Variants in IER3IP1 observed in about 807,000 individuals in gnomAD.
The protein encoded by IER3IP1 is immediate early response 3 interacting protein 1.
IER3IP1 carries 16 observed loss-of-function variants against 12.2 expected under a neutral mutation model. The observed-to-expected ratio is 1.31, with a 90% CI of 0.89 to 1.99. The LOEUF is 1.99. Among genes scored for constraint, IER3IP1 ranks in the 30% most tolerant of loss-of-function variants. The probability of loss-of-function intolerance (pLI) is 0.00; values close to 1 mark genes in which losing one functional copy is unlikely to be tolerated. For synonymous variants in IER3IP1, 42 were observed against 40.0 expected (o/e 1.05, Z -0.19); for missense variants, 95 against 95.8 (o/e 0.99, Z 0.03).
chr18:47,174,294 T>C (rs1032562684), intron 1 of IER3IP1, among the ~76,000 whole-genome samples: 2 of 152,218 alleles, frequency 1.3e-5, no homozygotes, highest in Admixed American at 1.3e-4. Context: ...AGAGTTGCTG[T>C]GAAGGCTACA....
At chr18:47,175,290 C>G (rs1271712599) in intron 1 of IER3IP1, among the ~76,000 whole-genome samples, 1 of 152,170 alleles carries the variant, frequency 6.6e-6, no homozygotes, top group Non-Finnish European at 1.5e-5. Context: ...AATAAGCTAT[C>G]TGAATAAACT....
chr18:47,153,444 T>G lies in IER3IP1; in HGVS notation c.*2733A>C, dbSNP rs1483978788. On this transcript the variant is annotated 3_prime_UTR_variant, in exon 3 of 3. Transcript: ENST00000256433. ...TTTAACTTTTAGGGGTACAGTACATTTGTTAAATAGGTAAACTTGTGTCAC... is the reference window on the plus strand; with the variant it reads ...TTTAACTTTTAGGGGTACAGTACATGTGTTAAATAGGTAAACTTGTGTCAC... 1 of 151,456 alleles carries G rather than the reference T, an allele frequency of 6.6e-6. No individual in the cohort carries two copies. Among genetic ancestry groups the G allele is most frequent in the African/African-American group, 2.4e-5 (1 of 41,256 alleles). 9.4% of individuals were successfully genotyped at this position (151,456 alleles called of 1,614,324 possible).
At chr18:47,171,712 T>G (rs1233578390) in intron 1 of IER3IP1, among the ~76,000 whole-genome samples, 2 of 152,228 alleles carry the variant, frequency 1.3e-5, no homozygotes, top group Non-Finnish European at 2.9e-5. Flanking sequence ...GCTTTTTTTT[T>G]GTGGAGGCTG....
chr18:47,169,092 AG>A (rs1054727621), intron 1 of IER3IP1, among the ~76,000 whole-genome samples: 1 of 152,220 alleles, frequency 6.6e-6, no homozygotes, highest in African/African-American at 2.4e-5. Flanking sequence ...CAGGCCCTCC[AG>A]CACCAAGCAA....
rs1472987047 is a variant in IER3IP1 at position 47,153,269 on chromosome 18, T to A, written c.*2908A>T. ...GGGGTACAAGTGGTTTCTGGTTACA[T>A]GGATGAATTGTATAGTGGTGTAAAG... On this transcript the variant is annotated 3_prime_UTR_variant, in exon 3 of 3. Coordinates refer to ENST00000256433, the MANE Select transcript of IER3IP1 (RefSeq NM_016097.5). 1 of 152,246 alleles carries A rather than the reference T, an allele frequency of 6.6e-6. No individual in the cohort carries two copies. The highest frequency in any genetic ancestry group is 2.1e-4 in the South Asian group (1 of 4,830). 9.4% of individuals were successfully genotyped at this position (152,246 alleles called of 1,614,324 possible).
chr18:47,167,220 T>G (rs944316828), intron 1 of IER3IP1, among the ~76,000 whole-genome samples: 1 of 152,076 alleles, frequency 6.6e-6, no homozygotes, highest in Admixed American at 6.5e-5. Context: ...CCCGGCTAAT[T>G]TTTGTACTTG....
chr18:47,156,174 T>C lies in IER3IP1; in HGVS notation c.*3A>G, dbSNP rs775411047. The C allele has an allele frequency of 5.3e-6, 8 of 1,514,792 alleles. No individual in the cohort carries two copies. In the Admixed American group the frequency reaches 1.0e-4, roughly 19 times the overall value. The allele number at this position is 1,514,792 out of a possible 1,614,324, so 93.8% of individuals were successfully genotyped here. The stretch of plus-strand genomic sequence containing the variant: ...TCTGAGTCTCCATTTTCTCCACTGA[T>C]ATTCATCCAAATAATAAAAGTAACA... On this transcript the variant is annotated 3_prime_UTR_variant, in exon 3 of 3. Coordinates refer to ENST00000256433, the MANE Select transcript of IER3IP1 (RefSeq NM_016097.5).
rs115749542 is a variant in IER3IP1 at position 47,172,305 on chromosome 18, G to T, written c.91+3882C>A. 4.7e-4 allele frequency among the ~76,000 whole-genome samples: 71 copies of T among 152,134 alleles called. No homozygotes were observed. Among genetic ancestry groups the T allele is most frequent in the African/African-American group, 1.6e-3 (66 of 41,478 alleles). ...TTTCCTCCAACTTAAAGATAACATT[G>T]GATAATATTACTGTCTCCATTTTAT... is the stretch of plus-strand genomic sequence containing the variant. On this transcript the variant is annotated intron_variant, in intron 1 of 2. Transcript: ENST00000256433. The surrounding 1 kb of genome is among the most constrained non-coding windows in gnomAD (Gnocchi z 4.0).
rs1216101491 is a variant in IER3IP1, at chr18:47,172,669, T to G, written c.91+3518A>C. Among the ~76,000 whole-genome samples the G allele has an allele frequency of 2.0e-5, 3 of 152,216 alleles. No individual in the cohort carries two copies. The highest frequency in any genetic ancestry group is 4.4e-5 in the Non-Finnish European group (3 of 68,044). On this transcript the variant is annotated intron_variant, in intron 1 of 2. Coordinates refer to ENST00000256433, the MANE Select transcript of IER3IP1 (RefSeq NM_016097.5). This position sits in a 1 kb window ranked among gnomAD's most constrained non-coding sequence, Gnocchi z 4.0. Reference sequence around the variant, plus strand: ...ATTCATCACGCTACTCAGAACAGCTTGCAATTTAAAACATGAATTGCTTAT... The same window carrying G: ...ATTCATCACGCTACTCAGAACAGCTGGCAATTTAAAACATGAATTGCTTAT...
chr18:47,168,167 T>C (rs1404253865), intron 1 of IER3IP1, among the ~76,000 whole-genome samples: 3 of 116,638 alleles, frequency 2.6e-5, no homozygotes, highest in African/African-American at 9.8e-5. Context: ...TTTAGCTAGG[T>C]GGTGGTGGGT....
intron 1 of IER3IP1, among the ~76,000 whole-genome samples, chr18:47,174,059 T>C (rs1373994601): frequency 2.0e-5 from 3 of 152,220 alleles, no homozygotes; most frequent in African/African-American, 7.2e-5. Flanking sequence ...GTCACCTTCA[T>C]AGGTATCAAG....
At chr18:47,158,588 C>T (rs1340754558) in intron 1 of IER3IP1, among the ~76,000 whole-genome samples, 1 of 151,880 alleles carries the variant, frequency 6.6e-6, no homozygotes, top group African/African-American at 2.4e-5. Flanking sequence ...GCGATCGACC[C>T]ACTTTGGCCT....
intron 1 of IER3IP1, 27 bp from the exon 2 acceptor site, chr18:47,157,564 T>TA: frequency 6.3e-7 from 1 of 1,588,094 alleles, no homozygotes; most frequent in Non-Finnish European, 8.6e-7. Context: ...TTAGCTGTGT[T>TA]AAAAGTTATT....
intron 1 of IER3IP1, among the ~76,000 whole-genome samples, chr18:47,173,013 T>C (rs1459454250): frequency 6.6e-6 from 1 of 152,226 alleles, no homozygotes; most frequent in African/African-American, 2.4e-5. Flanking sequence ...AATTTCATCT[T>C]CTCACATGAC....
At chr18:47,173,356 TC>T (rs1294314406) in intron 1 of IER3IP1, among the ~76,000 whole-genome samples, 1 of 152,164 alleles carries the variant, frequency 6.6e-6, no homozygotes, top group Admixed American at 6.5e-5. Flanking sequence ...ACCTTTTTTT[TC>T]TTCCTTCGAG....
In IER3IP1 at chr18:47,155,356, A is replaced by G. The variant is rs941904223; in HGVS notation, c.*821T>C. The G allele has an allele frequency of 6.6e-6, 1 of 152,186 alleles. No homozygotes were observed. Among genetic ancestry groups the G allele is most frequent in the African/African-American group, 2.4e-5 (1 of 41,460 alleles). The allele number at this position is 152,186 out of a possible 1,614,324, so 9.4% of individuals were successfully genotyped here. Reference sequence around the variant, plus strand: ...TTTTTTGAAAGGTAAATGCTTCACAATAAACAGTCTTCTTGGGTAGTACAG... The same window carrying G: ...TTTTTTGAAAGGTAAATGCTTCACAGTAAACAGTCTTCTTGGGTAGTACAG... On this transcript the variant is annotated 3_prime_UTR_variant, in exon 3 of 3. Coordinates refer to ENST00000256433, the MANE Select transcript of IER3IP1 (RefSeq NM_016097.5).
Position 47,158,166 on chromosome 18 carries a change from T to C in IER3IP1, c.92-629A>G, listed in dbSNP as rs372896696. On this transcript the variant is annotated intron_variant, in intron 1 of 2. Coordinates refer to ENST00000256433, the MANE Select transcript of IER3IP1 (RefSeq NM_016097.5). ...TATCAAAATCTCAAAAACGTAATTC[T>C]AGGAAGAATACTTTTTTAGATTCTT... Among the ~76,000 whole-genome samples, 18 of 152,302 alleles carry C rather than the reference T, an allele frequency of 1.2e-4. No homozygotes were observed. The East Asian group carries it at 3.3e-3, about 28-fold the overall frequency.
intron 1 of IER3IP1, among the ~76,000 whole-genome samples, chr18:47,169,193 T>C (rs1031721825): frequency 2.0e-5 from 3 of 152,224 alleles, no homozygotes; most frequent in Admixed American, 6.5e-5. Flanking sequence ...TATCATATGA[T>C]ATGTGGTCTT....
In IER3IP1 at chr18:47,156,202, A is replaced by G. The variant is rs761681705; in HGVS notation, c.224T>C (p.Ile75Thr). ...TCATCCAAATAATAAAAGTAACACA[A>G]TTGCAATTGAGTTTACTATTATCAA... ...VPLIIVNSIA[I>T]VLLLLFG Residue 75 changes from isoleucine (I) to threonine (T), a missense_variant, in exon 3 of 3, where the codon ATT becomes ACT. Physicochemically the swap from Ile to Thr is moderately conservative, Grantham distance 89. Transcript: ENST00000256433. 26 of 1,569,328 alleles carry G rather than the reference A, an allele frequency of 1.7e-5. 1 individual carries two copies. In the South Asian group the frequency reaches 2.9e-4, roughly 17 times the overall value.
Sources: gnomAD v4.1 joint callset for allele counts (sites outside exome capture counted in the v4.1 genomes callset) on GRCh38, gnomAD v4.1.1 for gene constraint, Gnocchi (gnomAD v3.1) non-coding constraint, MANE v1.5 for transcripts, NCBI Gene and HGNC (gene_info 2026-07-23, HGNC 2026-07-21) for gene names.